Variants in TNKS observed in about 807,000 individuals in gnomAD.
The protein encoded by TNKS is tankyrase.
In TNKS, 72 loss-of-function variants were observed where a neutral mutation model predicts 135.8. The ratio of observed to expected loss-of-function variants is 0.53; its 90% CI spans 0.44 to 0.64. The LOEUF is 0.64. TNKS is among the 30% of genes least tolerant of loss of function. The pLI is 0.00. For synonymous variants in TNKS, 849 were observed against 649.3 expected (o/e 1.31, Z -4.68); for missense variants, 1,769 against 1,674.0 (o/e 1.06, Z -0.99).
intron 26 of TNKS, among the ~76,000 whole-genome samples, chr8:9,770,925 A>C (rs58100934): frequency 0.012 from 1,815 of 152,196 alleles, 36 homozygotes; most frequent in African/African-American, 0.041. Flanking sequence ...TGATGTATTG[A>C]TTTGAGGAGC....
intron 14 of TNKS, 109 bp downstream of exon 14, chr8:9,731,144 T>G: frequency 7.7e-7 from 1 of 1,298,672 alleles, no homozygotes; most frequent in Non-Finnish European, 1.0e-6. Context: ...AATCGTTATT[T>G]TTTGTTTAAA....
At chr8:9,597,330 T>C (rs563631745) in intron 2 of TNKS, among the ~76,000 whole-genome samples, 1 of 152,346 alleles carries the variant, frequency 6.6e-6, no homozygotes, top group Non-Finnish European at 1.5e-5. Context: ...AACAGTAAGG[T>C]TGCCACACAA....
intron 15 of TNKS, 80 bp downstream of exon 15, chr8:9,733,524 T>G: frequency 8.1e-7 from 1 of 1,236,502 alleles, no homozygotes; most frequent in Non-Finnish European, 1.1e-6. Flanking sequence ...TTGGGGTATG[T>G]TATTCTATTA....
At chr8:9,759,727 C>T (rs965452573) in intron 20 of TNKS, among the ~76,000 whole-genome samples, 9 of 152,148 alleles carry the variant, frequency 5.9e-5, no homozygotes, top group African/African-American at 2.2e-4. Context: ...GTAATCCCAG[C>T]ACTTTGGGAG....
chr8:9,587,284 A>C (rs542599750), intron 2 of TNKS, among the ~76,000 whole-genome samples: 49 of 152,274 alleles, frequency 3.2e-4, no homozygotes, highest in African/African-American at 1.1e-3. Flanking sequence ...TTGAAAAGAG[A>C]GAAAGGGTTC....
intron 3 of TNKS, among the ~76,000 whole-genome samples, chr8:9,626,737 A>C (rs887125816): frequency 2.0e-5 from 3 of 152,102 alleles, no homozygotes; most frequent in African/African-American, 4.8e-5. Flanking sequence ...CTATCTGGTC[A>C]CTTTTGACAC....
chr8:9,751,244 T>C (rs1022957596), intron 18 of TNKS, among the ~76,000 whole-genome samples: 1 of 152,250 alleles, frequency 6.6e-6, no homozygotes, highest in Non-Finnish European at 1.5e-5. Flanking sequence ...TTTCACCAGA[T>C]GTTAATTGTA....
chr8:9,750,023 A>G (rs1369311218), intron 18 of TNKS, among the ~76,000 whole-genome samples: 1 of 152,166 alleles, frequency 6.6e-6, no homozygotes, highest in Non-Finnish European at 1.5e-5. Context: ...AGCTCCACCC[A>G]CAAATCTTTT....
intron 3 of TNKS, among the ~76,000 whole-genome samples, chr8:9,620,824 A>G (rs1799839771): frequency 6.6e-6 from 1 of 152,120 alleles, no homozygotes; most frequent in African/African-American, 2.4e-5. Flanking sequence ...TCATGGATTT[A>G]TTGGTATCTG....
chr8:9,690,515 T>G (rs1255637300), intron 5 of TNKS, among the ~76,000 whole-genome samples: 2 of 152,132 alleles, frequency 1.3e-5, no homozygotes, highest in Non-Finnish European at 2.9e-5. Context: ...ATCCCAGCAC[T>G]TTGGGAGACC....
At chr8:9,665,371 A>G (rs1326564029) in intron 3 of TNKS, among the ~76,000 whole-genome samples, 1 of 152,208 alleles carries the variant, frequency 6.6e-6, no homozygotes, top group Non-Finnish European at 1.5e-5. Flanking sequence ...CAATCATGTG[A>G]TGCTCTTCAG....
intron 3 of TNKS, among the ~76,000 whole-genome samples, chr8:9,648,438 AAC>A (rs1216296076): frequency 6.6e-6 from 1 of 152,214 alleles, no homozygotes; most frequent in Non-Finnish European, 1.5e-5. Flanking sequence ...AAGACACAAA[AAC>A]ACATGTTAGT....
At chr8:9,651,009 G>A (rs1436811482) in intron 3 of TNKS, among the ~76,000 whole-genome samples, 6 of 150,840 alleles carry the variant, frequency 4.0e-5, no homozygotes, top group African/African-American at 1.2e-4. Flanking sequence ...TGAGAGATGA[G>A]GATCCAGTTT....
At chr8:9,715,681 C>T (rs929931991) in intron 11 of TNKS, among the ~76,000 whole-genome samples, 1 of 151,952 alleles carries the variant, frequency 6.6e-6, no homozygotes, top group Non-Finnish European at 1.5e-5. Flanking sequence ...GGAATAAGGG[C>T]AATATTCAGC....
intron 3 of TNKS, among the ~76,000 whole-genome samples, chr8:9,655,544 C>A (rs2128783681): frequency 6.6e-6 from 1 of 152,284 alleles, no homozygotes; most frequent in South Asian, 2.1e-4. Flanking sequence ...TGAGACAAAA[C>A]CTCCAGAAGA....
At chr8:9,669,615 A>G (rs555912968) in intron 3 of TNKS, among the ~76,000 whole-genome samples, 241 of 152,306 alleles carry the variant, frequency 1.6e-3, no homozygotes, top group African/African-American at 5.2e-3. Context: ...ACTTTGTCCA[A>G]TAATCTTTCT....
At chr8:9,711,537 A>T (rs763900851) in intron 11 of TNKS, among the ~76,000 whole-genome samples, 3 of 152,226 alleles carry the variant, frequency 2.0e-5, no homozygotes, top group Non-Finnish European at 4.4e-5. Flanking sequence ...TTTATAGTGT[A>T]AAAAGGTGGT....
At chr8:9,729,771 CTT>C (rs763357075) in intron 13 of TNKS, among the ~76,000 whole-genome samples, 2 of 95,014 alleles carry the variant, frequency 2.1e-5, no homozygotes, top group African/African-American at 8.4e-5. Context: ...ATATGATATT[CTT>C]TTTTTTTTTT....
chr8:9,602,963 A>AT (rs1481782829), intron 2 of TNKS, among the ~76,000 whole-genome samples: 2 of 152,240 alleles, frequency 1.3e-5, no homozygotes, highest in African/African-American at 4.8e-5. Flanking sequence ...TAAAATTTGT[A>AT]GTTGAGAAAC....
Sources: gnomAD v4.1 joint callset for allele counts (sites outside exome capture counted in the v4.1 genomes callset) on GRCh38, gnomAD v4.1.1 for gene constraint, MANE v1.5 for transcripts, NCBI Gene and HGNC (gene_info 2026-07-23, HGNC 2026-07-21) for gene names.